The following RIMS1 variants were observed in gnomAD, a reference collection of about 807,000 sequenced individuals.
RIMS1 encodes regulating synaptic membrane exocytosis protein 1.
RIMS1 carries 83 observed loss-of-function variants against 214.1 expected under a neutral mutation model. The ratio of observed to expected loss-of-function variants is 0.39; its 90% CI spans 0.32 to 0.47. The LOEUF is 0.47. Ranked by LOEUF, RIMS1 falls within the 20% of genes least tolerant of loss-of-function variation. The probability of loss-of-function intolerance (pLI) is 0.99; values close to 1 mark genes in which losing one functional copy is unlikely to be tolerated. For missense variants in RIMS1, 2,050 were observed against 2,161.8 expected, an observed-to-expected ratio of 0.95 and a Z score of 1.03; for synonymous variants, 793 against 786.8, an observed-to-expected ratio of 1.01 and a Z score of -0.13.
At chr6:72,184,019 AT>A (rs1405403426) in intron 6 of RIMS1, among the ~76,000 whole-genome samples, 1 of 152,238 alleles carries the variant, frequency 6.6e-6, no homozygotes, top group Admixed American at 6.5e-5. Flanking sequence ...TATTACTGTA[AT>A]AATTTCCTTA....
intron 4 of RIMS1, among the ~76,000 whole-genome samples, chr6:72,179,191 G>A (rs1024430660): frequency 6.6e-6 from 1 of 151,748 alleles, no homozygotes; most frequent in East Asian, 1.9e-4. Flanking sequence ...TGTAGTTCCT[G>A]GTAACATTTT....
At chr6:72,125,660 A>T (rs2039361007) in intron 4 of RIMS1, among the ~76,000 whole-genome samples, 1 of 152,114 alleles carries the variant, frequency 6.6e-6, no homozygotes, top group Non-Finnish European at 1.5e-5. Context: ...AGCTTCCTGG[A>T]TGCTTTGTTT....
intron 9 of RIMS1, among the ~76,000 whole-genome samples, chr6:72,238,152 A>G (rs2154100494): frequency 6.6e-6 from 1 of 152,188 alleles, no homozygotes; most frequent in East Asian, 1.9e-4. Flanking sequence ...TCTGGAGAGT[A>G]AGGGTAGGAA....
At chr6:72,174,584 T>G (rs1267138674) in intron 4 of RIMS1, among the ~76,000 whole-genome samples, 37 of 152,202 alleles carry the variant, frequency 2.4e-4, no homozygotes, top group Non-Finnish European at 2.9e-5. Flanking sequence ...GAGTTCTGTG[T>G]TAATGTGAAA....
intron 10 of RIMS1, among the ~76,000 whole-genome samples, chr6:72,242,835 A>G (rs1196645680): frequency 6.6e-6 from 1 of 151,918 alleles, no homozygotes; most frequent in African/African-American, 2.4e-5. Context: ...ATATGTCTAC[A>G]TGAACTTTTT....
chr6:72,393,722 G>A (rs544970384), intron 31 of RIMS1, among the ~76,000 whole-genome samples: 4 of 151,004 alleles, frequency 2.6e-5, no homozygotes, highest in African/African-American at 7.3e-5. Context: ...GCGAGACTCC[G>A]TCTCCAAGAA....
chr6:72,288,713 C>G (rs571454134), intron 24 of RIMS1, among the ~76,000 whole-genome samples: 3 of 152,254 alleles, frequency 2.0e-5, no homozygotes, highest in Middle Eastern at 6.8e-3. Flanking sequence ...CTAAGCTCTG[C>G]ATTTTTCCTC....
intron 24 of RIMS1, among the ~76,000 whole-genome samples, chr6:72,288,486 C>CT (rs2092786397): frequency 6.6e-6 from 1 of 152,186 alleles, no homozygotes; most frequent in Non-Finnish European, 1.5e-5. Flanking sequence ...GTTTCATTCT[C>CT]TAACAGGTTG....
intron 7 of RIMS1, among the ~76,000 whole-genome samples, chr6:72,234,276 A>T (rs910083161): frequency 6.6e-6 from 1 of 152,042 alleles, no homozygotes; most frequent in Non-Finnish European, 1.5e-5. Flanking sequence ...TAAGCCAAGG[A>T]TGGAGTCCAC....
At chr6:72,386,960 T>G (rs1331699385) in intron 29 of RIMS1, among the ~76,000 whole-genome samples, 1 of 152,012 alleles carries the variant, frequency 6.6e-6, no homozygotes, top group African/African-American at 2.4e-5. Context: ...GGTCTCGATC[T>G]CCTGACCTCG....
intron 4 of RIMS1, chr6:72,175,446 G>A (rs2047568320): frequency 2.9e-6 from 1 of 344,316 alleles, no homozygotes; most frequent in Non-Finnish European, 5.7e-6. Context: ...GCTGAGGAGG[G>A]TGGATCACCT....
chr6:72,082,296 C>T (rs1833593148), intron 2 of RIMS1, among the ~76,000 whole-genome samples: 1 of 152,170 alleles, frequency 6.6e-6, no homozygotes, highest in South Asian at 2.1e-4. Flanking sequence ...TTTTTGTTCA[C>T]TGTTTCCTCT....
At chr6:71,905,176 CT>C (rs750567804) in intron 1 of RIMS1, among the ~76,000 whole-genome samples, 3,001 of 146,128 alleles carry the variant, frequency 0.021, 102 homozygotes, top group African/African-American at 0.069. Flanking sequence ...ACTCTGAGGA[CT>C]TTTTTTTTTT....
intron 2 of RIMS1, among the ~76,000 whole-genome samples, chr6:72,083,475 A>T (rs964460243): frequency 2.0e-5 from 3 of 151,958 alleles, no homozygotes; most frequent in Non-Finnish European, 2.9e-5. Context: ...TTTCACTCTG[A>T]CTTCCATCTC....
intron 1 of RIMS1, among the ~76,000 whole-genome samples, chr6:71,931,443 T>TCAGA (rs1783007564): frequency 6.6e-6 from 1 of 151,996 alleles, no homozygotes. Context: ...TAACAACAAA[T>TCAGA]TCATCATTAG....
intron 1 of RIMS1, among the ~76,000 whole-genome samples, chr6:71,963,016 TG>T (rs1033627248): frequency 5.6e-4 from 85 of 152,186 alleles, no homozygotes; most frequent in African/African-American, 2.0e-3. Flanking sequence ...GAATATGGTC[TG>T]GTAATACTAG....
intron 28 of RIMS1, chr6:72,316,778 T>C: frequency 1.4e-6 from 1 of 708,310 alleles, no homozygotes; most frequent in Non-Finnish European, 2.6e-6. Flanking sequence ...CAGGGCCAGT[T>C]GACGGTAGAC....
At chr6:71,895,673 C>CAAA (rs70994105) in intron 1 of RIMS1, among the ~76,000 whole-genome samples, 3,207 of 63,468 alleles carry the variant, frequency 0.051, 254 homozygotes, top group African/African-American at 0.15. Flanking sequence ...GACTCCCTCT[C>CAAA]AAAAAAAAAA....
At chr6:72,269,617 C>T (rs1268771032) in intron 22 of RIMS1, among the ~76,000 whole-genome samples, 1 of 152,062 alleles carries the variant, frequency 6.6e-6, no homozygotes, top group African/African-American at 2.4e-5. Flanking sequence ...TGACATATAA[C>T]CAGCCACACA....
Sources: allele counts gnomAD v4.1 joint callset (sites outside exome capture counted in the v4.1 genomes callset), GRCh38; gene constraint gnomAD v4.1.1; transcripts MANE v1.5; gene names NCBI Gene and HGNC (gene_info 2026-07-23, HGNC 2026-07-21).